SCAPER: variants seen among roughly 807,000 people sequenced by gnomAD.
SCAPER encodes S-phase cyclin A associated protein in the ER.
A neutral mutation model predicts 182.2 loss-of-function variants in SCAPER; 98 were observed. That is an observed-to-expected ratio of 0.54 (90% confidence interval 0.46 to 0.64). The LOEUF is 0.64. SCAPER is among the 30% of genes least tolerant of loss of function. The pLI is 0.00. For missense variants in SCAPER, 1,432 were observed against 1,690.0 expected, an observed-to-expected ratio of 0.85 and a Z score of 2.68; for synonymous variants, 605 against 564.6, an observed-to-expected ratio of 1.07 and a Z score of -1.01.
chr15:76,397,689 C>G (rs2044171844), intron 27 of SCAPER, among the ~76,000 whole-genome samples: 1 of 151,978 alleles, frequency 6.6e-6, no homozygotes, highest in African/African-American at 2.4e-5. Context: ...CATGTTGAGG[C>G]TGGTCTTGAA....
At chr15:76,650,885 A>G (rs2054977724) in intron 21 of SCAPER, among the ~76,000 whole-genome samples, 1 of 152,134 alleles carries the variant, frequency 6.6e-6, no homozygotes, top group South Asian at 2.1e-4. Context: ...GAAAGTTCAA[A>G]TGTTTGGAAA....
At chr15:76,804,034 GAAGA>G (rs1286534470) in intron 6 of SCAPER, among the ~76,000 whole-genome samples, 1 of 152,124 alleles carries the variant, frequency 6.6e-6, no homozygotes, top group Non-Finnish European at 1.5e-5. Context: ...AATACATTAA[GAAGA>G]AATACTGTAT....
At chr15:76,603,203 A>T (rs2050060014) in intron 22 of SCAPER, among the ~76,000 whole-genome samples, 1 of 117,630 alleles carries the variant, frequency 8.5e-6, no homozygotes, top group South Asian at 2.7e-4. Flanking sequence ...ACCCCACAAC[A>T]GTCCCCAGAG....
At chr15:76,522,377 T>C (rs2042900537) in intron 23 of SCAPER, among the ~76,000 whole-genome samples, 1 of 152,170 alleles carries the variant, frequency 6.6e-6, no homozygotes, top group Admixed American at 6.5e-5. Flanking sequence ...ACAAGATTGC[T>C]GATTTCAATT....
In SCAPER at chr15:76,722,441, T is replaced by A. The variant is rs533409217; in HGVS notation, c.2165+6154A>T. Among the ~76,000 whole-genome samples, 3 of 152,344 alleles carry A rather than the reference T, an allele frequency of 2.0e-5. No homozygotes were observed. The East Asian group carries it at 5.8e-4, about 29-fold the overall frequency. ...TGGTATCAGGATGATGCTGGCCTCATAAAATGAGTTAGAGAGGATTCCCTC... is the reference window on the plus strand; with the variant it reads ...TGGTATCAGGATGATGCTGGCCTCAAAAAATGAGTTAGAGAGGATTCCCTC... On this transcript the variant is annotated intron_variant, in intron 17 of 31. Coordinates refer to ENST00000563290, the MANE Select transcript of SCAPER (RefSeq NM_020843.4).
chr15:76,688,039 T>A (rs1443106948), intron 20 of SCAPER, among the ~76,000 whole-genome samples: 1 of 152,214 alleles, frequency 6.6e-6, no homozygotes, highest in Admixed American at 6.5e-5. Flanking sequence ...ATGGTTGAAC[T>A]AATTTACACT....
At chr15:76,452,276 G>A (rs2048420005) in intron 25 of SCAPER, among the ~76,000 whole-genome samples, 2 of 152,268 alleles carry the variant, frequency 1.3e-5, no homozygotes, top group African/African-American at 4.8e-5. Flanking sequence ...GCTGATCCTG[G>A]CCTTTGTGCC....
intron 2 of SCAPER, among the ~76,000 whole-genome samples, chr15:76,869,830 C>A (rs2072566219): frequency 6.6e-6 from 1 of 152,068 alleles, no homozygotes; most frequent in Admixed American, 6.6e-5. Flanking sequence ...TCACTATTCA[C>A]ATATATGGAA....
intron 30 of SCAPER, among the ~76,000 whole-genome samples, chr15:76,351,610 A>C (rs1173172712): frequency 6.6e-6 from 1 of 152,248 alleles, no homozygotes; most frequent in Non-Finnish European, 1.5e-5. Flanking sequence ...TAAAAAGTAC[A>C]AATATGAAAG....
At chr15:76,636,084 A>C (rs770252782) in intron 21 of SCAPER, among the ~76,000 whole-genome samples, 15 of 152,220 alleles carry the variant, frequency 9.9e-5, no homozygotes, top group Non-Finnish European at 1.9e-4. Context: ...GAGTTAGGGC[A>C]GGTCTACTAG....
intron 24 of SCAPER, among the ~76,000 whole-genome samples, chr15:76,476,956 A>C (rs1426046833): frequency 1.3e-5 from 2 of 152,256 alleles, no homozygotes; most frequent in African/African-American, 4.8e-5. Context: ...CTTAGTTGCA[A>C]GCCATGGTGT....
rs574415772 is a variant in SCAPER at position 76,833,432 on chromosome 15, C to T, written c.393+8302G>A. ...GTGCCACCATAAGAGCCCACTGACA[C>T]GAAAAAGCAACTATACAATCAAGTC... is the stretch of plus-strand genomic sequence containing the variant. On this transcript the variant is annotated intron_variant, in intron 5 of 31. Coordinates refer to ENST00000563290, the MANE Select transcript of SCAPER (RefSeq NM_020843.4). Among the ~76,000 whole-genome samples the T allele has an allele frequency of 4.6e-5, 7 of 152,058 alleles. No homozygotes were observed. The South Asian group carries it at 6.2e-4, about 14-fold the overall frequency.
At chr15:76,482,186 T>C (rs1466683199) in intron 24 of SCAPER, among the ~76,000 whole-genome samples, 1 of 152,190 alleles carries the variant, frequency 6.6e-6, no homozygotes, top group African/African-American at 2.4e-5. Context: ...TATTATTTTG[T>C]TTCAATTTGT....
At chr15:76,393,284 T>C (rs1017428418) in intron 27 of SCAPER, among the ~76,000 whole-genome samples, 2 of 152,214 alleles carry the variant, frequency 1.3e-5, no homozygotes, top group Admixed American at 1.3e-4. Context: ...CTTGAATGCT[T>C]GTAGGGAGAT....
chr15:76,567,669 T>C (rs191924479), intron 23 of SCAPER, among the ~76,000 whole-genome samples: 43 of 152,350 alleles, frequency 2.8e-4, no homozygotes, highest in Non-Finnish European at 5.0e-4. Flanking sequence ...GCTATTTGGA[T>C]TTCTTTCAGA....
chr15:76,659,195 C>G (rs996646339), intron 21 of SCAPER, among the ~76,000 whole-genome samples: 1 of 152,144 alleles, frequency 6.6e-6, no homozygotes, highest in African/African-American at 2.4e-5. Context: ...GTTTAATATT[C>G]AGAACCTATA....
chr15:76,496,553 T>C (rs157767), intron 24 of SCAPER, among the ~76,000 whole-genome samples: 147,827 of 152,214 alleles, frequency 0.97, 71,923 homozygotes, highest in South Asian at 1. Flanking sequence ...AGGTATGTTC[T>C]TTTTAAGTGT....
chr15:76,758,972 A>G (rs2062610285), intron 14 of SCAPER, among the ~76,000 whole-genome samples: 1 of 148,074 alleles, frequency 6.8e-6, no homozygotes, highest in Non-Finnish European at 1.5e-5. Flanking sequence ...ATTATTTCTC[A>G]AAGTTTTTTG....
chr15:76,597,501 T>C lies in SCAPER; in HGVS notation c.2712-23217A>G, dbSNP rs1160830757. 2.5e-5 allele frequency among the ~76,000 whole-genome samples: 3 copies of C among 120,718 alleles called. 1 individual carries two copies. The highest frequency in any genetic ancestry group is 6.0e-5 in the Non-Finnish European group (3 of 49,738). The allele number at this position is 120,718 out of a possible 152,430, so 79.2% of individuals were successfully genotyped here. Reference sequence around the variant, plus strand: ...AAAAGAGCCTGTACAGCCAAGAGAATCCTAAGCAAAAAGAACAAAGCTGGA... The same window carrying C: ...AAAAGAGCCTGTACAGCCAAGAGAACCCTAAGCAAAAAGAACAAAGCTGGA... On this transcript the variant is annotated intron_variant, in intron 22 of 31. Transcript: ENST00000563290.
Sources: allele counts gnomAD v4.1 joint callset (sites outside exome capture counted in the v4.1 genomes callset), GRCh38; gene constraint gnomAD v4.1.1; transcripts MANE v1.5; gene names NCBI Gene and HGNC (gene_info 2026-07-23, HGNC 2026-07-21).